The following ERI1 variants were observed in gnomAD, a reference collection of about 807,000 sequenced individuals.
ERI1 encodes 3'-5' exoribonuclease 1.
ERI1 carries 39 observed loss-of-function variants against 39.7 expected under a neutral mutation model. That is an observed-to-expected ratio of 0.98 (90% CI 0.76 to 1.28). ERI1 has a LOEUF of 1.28. Ranked by LOEUF, ERI1 falls within the 50% of genes most tolerant of loss-of-function variation. The probability of loss-of-function intolerance (pLI) is 0.00; values close to 1 mark genes in which losing one functional copy is unlikely to be tolerated. For missense variants in ERI1, 581 were observed against 416.9 expected (o/e 1.39, Z -3.43); for synonymous variants, 204 against 149.6 (o/e 1.36, Z -2.65).
At chr8:9,037,095 T>C (rs2117334687), downstream of ERI1, among the ~76,000 whole-genome samples, 1 of 152,320 alleles carries the variant, frequency 6.6e-6, no homozygotes, top group South Asian at 2.1e-4. Context: ...ACCACTGTCA[T>C]AAAAAACCTT....
chr8:9,065,904 G>A (rs937942134), intron 3 of ERI1, among the ~76,000 whole-genome samples: 1 of 152,138 alleles, frequency 6.6e-6, no homozygotes, highest in African/African-American at 2.4e-5. Flanking sequence ...TCACCAGCAG[G>A]TGGCGCTGTC....
intron 3 of ERI1, among the ~76,000 whole-genome samples, chr8:9,078,787 A>G (rs1452644003): frequency 1.3e-5 from 2 of 152,194 alleles, no homozygotes; most frequent in Non-Finnish European, 2.9e-5. Context: ...TCAAAGTCAG[A>G]GAACCAAAAC....
At chr8:9,043,629 C>T (rs1423759342) in intron 3 of ERI1, among the ~76,000 whole-genome samples, 1 of 152,178 alleles carries the variant, frequency 6.6e-6, no homozygotes, top group African/African-American at 2.4e-5. Flanking sequence ...TTTGGTATTC[C>T]ATGAGAGGTT....
chr8:9,086,461 G>A (rs1319473703), intron 3 of ERI1, among the ~76,000 whole-genome samples: 1 of 152,136 alleles, frequency 6.6e-6, no homozygotes, highest in Non-Finnish European at 1.5e-5. Flanking sequence ...GAGGTGGGAG[G>A]ATCTCTTGAG....
In ERI1 at chr8:9,031,090, A is replaced by C. The variant is rs1022428249; in HGVS notation, c.*1056A>C. ...AAACTCTTATCTAGAGGCTAAACCC[A>C]TGTATTTTCAGAATTGAATTTTTCT... On this transcript the variant is annotated 3_prime_UTR_variant, in exon 7 of 7. Coordinates refer to ENST00000250263, the MANE Select transcript of ERI1 (RefSeq NM_153332.4). 2.6e-5 allele frequency: 4 copies of C among 152,196 alleles called. No individual in the cohort carries two copies. The highest frequency in any genetic ancestry group is 6.5e-5 in the Admixed American group (1 of 15,276). The allele number at this position is 152,196 out of a possible 1,614,324, so 9.4% of individuals were successfully genotyped here.
Position 9,008,176 on chromosome 8 carries a change from A to G in ERI1, c.287+28A>G, listed in dbSNP as rs758275295. On this transcript the variant is annotated intron_variant, in intron 2 of 6. Coordinates refer to ENST00000250263, the MANE Select transcript of ERI1 (RefSeq NM_153332.4). The stretch of plus-strand genomic sequence containing the variant: ...AATTAAAAATAACTTATAAAATTAT[A>G]AAAGTAGTACATGCTCATTTTAGAA... 8 of 1,493,444 alleles carry G rather than the reference A, an allele frequency of 5.4e-6. No homozygotes were observed. In the African/African-American group the frequency reaches 5.7e-5, roughly 11 times the overall value. The allele number at this position is 1,493,444 out of a possible 1,614,324, so 92.5% of individuals were successfully genotyped here.
intron 1 of ERI1, 68 bp downstream of exon 1, chr8:9,003,239 C>A: frequency 3.0e-6 from 3 of 988,972 alleles, no homozygotes; most frequent in Non-Finnish European, 3.9e-6. Context: ...CTCGGCACCC[C>A]TTTCTTCTCA....
chr8:9,022,081 C>A (rs1194610954), intron 6 of ERI1, among the ~76,000 whole-genome samples: 1 of 151,708 alleles, frequency 6.6e-6, no homozygotes, highest in African/African-American at 2.4e-5. Context: ...AAATAGTTTT[C>A]CAATGGAATT....
chr8:9,088,476 C>T (rs745678845), intron 3 of ERI1: 1 of 152,146 alleles, frequency 6.6e-6, no homozygotes, highest in Non-Finnish European at 1.5e-5. Context: ...AGGAAAGGAC[C>T]AGGAGTGGCG....
In ERI1 at chr8:9,032,393, G is replaced by T. The variant is rs920801259; in HGVS notation, c.*2359G>T. On this transcript the variant is annotated 3_prime_UTR_variant, in exon 7 of 7. Transcript: ENST00000250263. ...ATTTCTGCTGATTTTTTTCAAATCC[G>T]CAATCTTTATAACCAACTGAAGTAT... The T allele has an allele frequency of 6.6e-6, 1 of 151,776 alleles. No individual in the cohort carries two copies. Among genetic ancestry groups the T allele is most frequent in the Admixed American group, 6.6e-5 (1 of 15,240 alleles). 9.4% of individuals were successfully genotyped at this position (151,776 alleles called of 1,614,324 possible).
intron 3 of ERI1, among the ~76,000 whole-genome samples, chr8:9,015,432 C>T (rs1418159202): frequency 2.0e-5 from 3 of 152,048 alleles, no homozygotes; most frequent in Non-Finnish European, 4.4e-5. Context: ...GGAAAAAGCA[C>T]TTAGAGATCG....
At chr8:9,045,723 C>T (rs1017282778) in intron 3 of ERI1, among the ~76,000 whole-genome samples, 2 of 148,282 alleles carry the variant, frequency 1.3e-5, no homozygotes, top group African/African-American at 5.0e-5. Flanking sequence ...GTCACCCAGG[C>T]TAGAGGGCAG....
chr8:9,093,467 AC>A, intron 3 of ERI1, among the ~76,000 whole-genome samples: 1 of 150,734 alleles, frequency 6.6e-6, no homozygotes, highest in East Asian at 1.9e-4. Flanking sequence ...ATATGCATAC[AC>A]CTGGATAATA....
At chr8:9,076,951 G>T (rs1799229167) in intron 3 of ERI1, among the ~76,000 whole-genome samples, 1 of 152,170 alleles carries the variant, frequency 6.6e-6, no homozygotes, top group Admixed American at 6.5e-5. Context: ...TGAGGACATG[G>T]GAATAAAACC....
At chr8:9,060,951 C>A (rs184362451) in intron 3 of ERI1, among the ~76,000 whole-genome samples, 6 of 152,210 alleles carry the variant, frequency 3.9e-5, no homozygotes, top group Non-Finnish European at 5.9e-5. Context: ...GAGGAAACCT[C>A]TTTCAGCCTG....
At chr8:9,063,509 G>C (rs1798771784) in intron 3 of ERI1, among the ~76,000 whole-genome samples, 1 of 152,100 alleles carries the variant, frequency 6.6e-6, no homozygotes, top group African/African-American at 2.4e-5. Flanking sequence ...TCGGGACCTA[G>C]CTCGGCCTGG....
chr8:9,014,243 G>T (rs984741668), intron 3 of ERI1, among the ~76,000 whole-genome samples: 8 of 152,172 alleles, frequency 5.3e-5, no homozygotes, highest in African/African-American at 1.7e-4. Context: ...TTACTTGCCA[G>T]GACTTTAGCT....
At chr8:9,075,556 A>G (rs1250552703) in intron 3 of ERI1, among the ~76,000 whole-genome samples, 1 of 150,330 alleles carries the variant, frequency 6.7e-6, no homozygotes, top group Admixed American at 6.7e-5. Context: ...CACTGACCCT[A>G]TTATTAGAAG....
intron 3 of ERI1, among the ~76,000 whole-genome samples, chr8:9,051,704 T>C (rs1424481795): frequency 6.6e-6 from 1 of 152,092 alleles, no homozygotes; most frequent in Non-Finnish European, 1.5e-5. Flanking sequence ...TTCCTCTTGG[T>C]CCTGCCTAGA....
Sources: gnomAD v4.1 joint callset for allele counts (sites outside exome capture counted in the v4.1 genomes callset) on GRCh38, gnomAD v4.1.1 for gene constraint, MANE v1.5 for transcripts, NCBI Gene and HGNC (gene_info 2026-07-23, HGNC 2026-07-21) for gene names.